Variants in ATP8A1 observed in about 807,000 individuals in gnomAD.
ATP8A1 encodes ATPase phospholipid transporting 8A1.
ATP8A1 carries 90 observed loss-of-function variants against 177.7 expected under a neutral mutation model. That is an observed-to-expected ratio of 0.51 (90% CI 0.43 to 0.60). The LOEUF is 0.60. Among genes scored for constraint, ATP8A1 ranks in the 20% least tolerant of loss-of-function variants. The pLI is 0.00. For missense variants in ATP8A1, 1,072 were observed against 1,392.8 expected (o/e 0.77, Z 3.67); for synonymous variants, 493 against 485.9 (o/e 1.01, Z -0.19).
intron 16 of ATP8A1, among the ~76,000 whole-genome samples, chr4:42,553,815 G>C (rs764132572): frequency 4.3e-4 from 65 of 152,244 alleles, no homozygotes; most frequent in Middle Eastern, 3.4e-3. Flanking sequence ...CTGTAAAGAA[G>C]GGAATATGCA....
Position 42,411,647 on chromosome 4 carries a change from T to C in ATP8A1, c.*1269A>G, listed in dbSNP as rs1320123790. The C allele has an allele frequency of 2.0e-5, 3 of 152,332 alleles. No homozygotes were observed. The highest frequency in any genetic ancestry group is 4.1e-4 in the South Asian group (2 of 4,834). 9.4% of individuals were successfully genotyped at this position (152,332 alleles called of 1,614,324 possible). On this transcript the variant is annotated 3_prime_UTR_variant, in exon 37 of 37. Coordinates refer to ENST00000381668, the MANE Select transcript of ATP8A1 (RefSeq NM_006095.2). ...TGAAAATAATTGAACTGAAGATACA[T>C]TTTAAAACATACTAACAAAAGCTAC...
chr4:42,429,669 A>T (rs1038754551), intron 33 of ATP8A1, among the ~76,000 whole-genome samples: 3 of 152,196 alleles, frequency 2.0e-5, no homozygotes, highest in Non-Finnish European at 4.4e-5. Flanking sequence ...GGCTTGACTT[A>T]AAAAAATCCA....
chr4:42,642,084 T>C (rs1740051543), intron 1 of ATP8A1, among the ~76,000 whole-genome samples: 1 of 152,110 alleles, frequency 6.6e-6, no homozygotes, highest in South Asian at 2.1e-4. Context: ...GACATCAGTA[T>C]AGCACACACA....
At chr4:42,447,181 T>C (rs1396110877) in intron 30 of ATP8A1, among the ~76,000 whole-genome samples, 1 of 152,208 alleles carries the variant, frequency 6.6e-6, no homozygotes, top group Non-Finnish European at 1.5e-5. Flanking sequence ...AACGTGGCTT[T>C]ATTTCTATTT....
intron 22 of ATP8A1, among the ~76,000 whole-genome samples, chr4:42,513,150 C>T (rs1578082938): frequency 6.6e-6 from 1 of 152,132 alleles, no homozygotes; most frequent in Non-Finnish European, 1.5e-5. Context: ...GTCTGATCAC[C>T]GTAGACATCC....
At chr4:42,488,408 A>C (rs909242501) in intron 24 of ATP8A1, among the ~76,000 whole-genome samples, 4 of 151,970 alleles carry the variant, frequency 2.6e-5, no homozygotes, top group Non-Finnish European at 4.4e-5. Flanking sequence ...AAAAAAAAAA[A>C]CAACAAACCA....
At chr4:42,435,437 A>C (rs1180201672) in intron 33 of ATP8A1, among the ~76,000 whole-genome samples, 16 of 101,726 alleles carry the variant, frequency 1.6e-4, no homozygotes, top group East Asian at 1.5e-3. Context: ...AAAAAAAAAA[A>C]AAAAAAAAAA....
intron 14 of ATP8A1, among the ~76,000 whole-genome samples, chr4:42,570,644 T>A (rs955786602): frequency 6.6e-6 from 1 of 152,240 alleles, no homozygotes; most frequent in African/African-American, 2.4e-5. Flanking sequence ...TAGAGCCCGA[T>A]GAGCAGTAGG....
intron 25 of ATP8A1, among the ~76,000 whole-genome samples, chr4:42,479,996 TTGTGTGTG>T (rs376966152): frequency 2.2e-4 from 30 of 135,656 alleles, no homozygotes; most frequent in South Asian, 7.8e-4. Context: ...GCAGTTCTGC[TTGTGTGTG>T]TGTGTGTGTG....
intron 1 of ATP8A1, among the ~76,000 whole-genome samples, chr4:42,654,104 G>A (rs1741389375): frequency 6.6e-6 from 1 of 152,200 alleles, no homozygotes; most frequent in Non-Finnish European, 1.5e-5. Context: ...AAGATCCTCA[G>A]GTGATTCCTA....
intron 20 of ATP8A1, among the ~76,000 whole-genome samples, chr4:42,542,528 T>G (rs1404714990): frequency 2.0e-5 from 3 of 152,184 alleles, no homozygotes; most frequent in African/African-American, 7.2e-5. Flanking sequence ...TGTGCCATGT[T>G]GGTTTGCTGC....
At chr4:42,590,713 G>A in intron 7 of ATP8A1, 98 bp downstream of exon 7, 1 of 1,095,360 alleles carries the variant, frequency 9.1e-7, no homozygotes, top group Non-Finnish European at 1.4e-6. Context: ...TGTTTTAAAG[G>A]AAGAGACACA....
At chr4:42,631,411 A>G (rs1010002390) in intron 1 of ATP8A1, among the ~76,000 whole-genome samples, 2 of 152,224 alleles carry the variant, frequency 1.3e-5, no homozygotes, top group Non-Finnish European at 2.9e-5. Flanking sequence ...AAGTTCCATA[A>G]TCAATTCAAC....
chr4:42,448,599 G>A (rs1258114112), intron 30 of ATP8A1, among the ~76,000 whole-genome samples: 3 of 150,590 alleles, frequency 2.0e-5, no homozygotes, highest in Non-Finnish European at 3.0e-5. Flanking sequence ...GGTTTCACCA[G>A]GTTGGCCAGG....
chr4:42,435,463 AC>A (rs1180506062), intron 33 of ATP8A1, among the ~76,000 whole-genome samples: 9 of 148,104 alleles, frequency 6.1e-5, no homozygotes, highest in African/African-American at 1.5e-4. Context: ...AAAAAAAAAA[AC>A]AAACTATCTC....
intron 33 of ATP8A1, among the ~76,000 whole-genome samples, chr4:42,426,036 C>T (rs1334774278): frequency 6.6e-6 from 1 of 152,208 alleles, no homozygotes; most frequent in African/African-American, 2.4e-5. Context: ...AAAAATAAAC[C>T]AACGCTGCCT....
chr4:42,640,273 A>C (rs569611247), intron 1 of ATP8A1, among the ~76,000 whole-genome samples: 1 of 152,396 alleles, frequency 6.6e-6, no homozygotes, highest in African/African-American at 2.4e-5. Context: ...CTGAGAATTC[A>C]GTTAAACATG....
At chr4:42,630,974 G>A (rs1317388226) in intron 1 of ATP8A1, among the ~76,000 whole-genome samples, 2 of 152,142 alleles carry the variant, frequency 1.3e-5, no homozygotes, top group Non-Finnish European at 2.9e-5. Flanking sequence ...ACCTAATATT[G>A]TAATAGATTA....
chr4:42,503,456 A>G lies in ATP8A1; in HGVS notation c.2145T>C (p.Ser715=). The change falls in exon 24 of 37, where the codon TCT becomes TCC. Residue 715 remains serine (S), a synonymous_variant. Transcript: ENST00000381668. ...AATACATAATTTTACTTACATCAAG[A>G]GAGCCTTCATTTATAACAATCATTC... ...NMGMIVINEG[S]LDGTRETLSR... is the part of the protein sequence containing the mutation. 1 of 1,598,070 alleles carries G rather than the reference A, an allele frequency of 6.3e-7. No homozygotes were observed. Among genetic ancestry groups the G allele is most frequent in the Non-Finnish European group, 8.6e-7 (1 of 1,167,278 alleles).
Sources: gnomAD v4.1 joint callset for allele counts (sites outside exome capture counted in the v4.1 genomes callset) on GRCh38, gnomAD v4.1.1 for gene constraint, MANE v1.5 for transcripts, NCBI Gene and HGNC (gene_info 2026-07-23, HGNC 2026-07-21) for gene names.